Variants in CDK14 observed in about 807,000 individuals in gnomAD.
The protein encoded by CDK14 is cyclin-dependent kinase 14.
A neutral mutation model predicts 60.7 loss-of-function variants in CDK14; 34 were observed. That is an observed-to-expected ratio of 0.56 (90% confidence interval 0.43 to 0.75). The LOEUF (loss-of-function observed/expected upper bound fraction) is 0.75. Among genes scored for constraint, CDK14 ranks in the 30% least tolerant of loss-of-function variants. The probability of loss-of-function intolerance (pLI) is 0.00; values close to 1 mark genes in which losing one functional copy is unlikely to be tolerated. For synonymous variants in CDK14, 197 were observed against 203.7 expected (o/e 0.97, Z 0.28); for missense variants, 482 against 564.1 (o/e 0.85, Z 1.47).
At chr7:90,865,513 T>C (rs1584061435) in intron 6 of CDK14, among the ~76,000 whole-genome samples, 2 of 152,148 alleles carry the variant, frequency 1.3e-5, no homozygotes. Flanking sequence ...AGAAATAAAC[T>C]CTACTCTTCT....
chr7:90,796,533 C>T (rs1023674705), intron 5 of CDK14, among the ~76,000 whole-genome samples: 6 of 151,774 alleles, frequency 4.0e-5, no homozygotes, highest in Non-Finnish European at 2.9e-5. Context: ...GGCTGTTATC[C>T]GATATAATCT....
chr7:90,612,124 C>T (rs1240649977), intron 2 of CDK14, among the ~76,000 whole-genome samples: 1 of 152,098 alleles, frequency 6.6e-6, no homozygotes, highest in African/African-American at 2.4e-5. Flanking sequence ...TGAGCCAGCA[C>T]ACCTGGCTTC....
intron 10 of CDK14, among the ~76,000 whole-genome samples, chr7:90,988,594 C>G (rs1210526834): frequency 1.3e-5 from 2 of 152,098 alleles, no homozygotes; most frequent in Admixed American, 6.6e-5. Flanking sequence ...AATTTGTATT[C>G]TAAACATATT....
intron 14 of CDK14, among the ~76,000 whole-genome samples, chr7:91,206,470 C>T: frequency 6.6e-6 from 1 of 152,186 alleles, no homozygotes; most frequent in East Asian, 1.9e-4. Context: ...GCAAGGCATT[C>T]TTTTCCCATC....
chr7:90,687,419 G>A (rs1008658150), intron 2 of CDK14, among the ~76,000 whole-genome samples: 1 of 152,078 alleles, frequency 6.6e-6, no homozygotes, highest in Non-Finnish European at 1.5e-5. Context: ...AGAACTGTGA[G>A]AAAAAGCTTT....
At chr7:91,045,027 T>C (rs998198358) in intron 10 of CDK14, among the ~76,000 whole-genome samples, 1 of 152,216 alleles carries the variant, frequency 6.6e-6, no homozygotes, top group Admixed American at 6.5e-5. Flanking sequence ...GTGGGGTTAT[T>C]TCTCAGCCCA....
intron 6 of CDK14, among the ~76,000 whole-genome samples, chr7:90,868,453 A>T (rs1347987670): frequency 6.6e-6 from 1 of 152,012 alleles, no homozygotes; most frequent in African/African-American, 2.4e-5. Context: ...ATATACAGTC[A>T]TTTGCATATC....
At chr7:90,710,891 T>C (rs1186368005) in intron 2 of CDK14, among the ~76,000 whole-genome samples, 1 of 152,124 alleles carries the variant, frequency 6.6e-6, no homozygotes, top group Non-Finnish European at 1.5e-5. Context: ...TTGAAGGACA[T>C]GTTTTAATAG....
chr7:90,604,092 G>A, intron 1 of CDK14, 126 bp from the exon 2 acceptor site: 1 of 615,712 alleles, frequency 1.6e-6, no homozygotes, highest in South Asian at 2.0e-5. Context: ...TGTTATTCAG[G>A]TTGGGGTACA....
At chr7:90,838,055 C>T (rs192764655) in intron 5 of CDK14, among the ~76,000 whole-genome samples, 77 of 152,134 alleles carry the variant, frequency 5.1e-4, no homozygotes, top group Middle Eastern at 3.4e-3. Context: ...TGACGGTGGT[C>T]GAGTGTTGCA....
chr7:91,105,635 C>T (rs1799269851), intron 12 of CDK14, among the ~76,000 whole-genome samples: 1 of 148,730 alleles, frequency 6.7e-6, no homozygotes. Context: ...CATAGATTAA[C>T]ATTAGACAAC....
At chr7:90,621,613 T>TTTCCTTCCTTCCTTCCTTCC (rs3835010) in intron 2 of CDK14, among the ~76,000 whole-genome samples, 1 of 128,266 alleles carries the variant, frequency 7.8e-6, no homozygotes, top group Non-Finnish European at 1.6e-5. Flanking sequence ...TCAGACTTTT[T>TTTCCTTCCTTCCTTCCTTCC]TTCCTTCCTT....
At chr7:90,700,731 C>T (rs952354265) in intron 2 of CDK14, among the ~76,000 whole-genome samples, 1 of 152,064 alleles carries the variant, frequency 6.6e-6, no homozygotes, top group Admixed American at 6.6e-5. Flanking sequence ...AATTTGATTA[C>T]CTAAAGTGAA....
At chr7:90,997,206 C>A (rs1294665726) in intron 10 of CDK14, among the ~76,000 whole-genome samples, 1 of 152,124 alleles carries the variant, frequency 6.6e-6, no homozygotes, top group Admixed American at 6.5e-5. Flanking sequence ...TGCTCTTATT[C>A]TCCTAATAGA....
intron 2 of CDK14, among the ~76,000 whole-genome samples, chr7:90,644,229 G>A (rs74776799): frequency 9.5e-4 from 145 of 152,254 alleles, no homozygotes; most frequent in African/African-American, 3.2e-3. Flanking sequence ...AATCAGTTTC[G>A]GTTGTTTAAG....
At chr7:90,638,924 G>A (rs545543635) in intron 2 of CDK14, among the ~76,000 whole-genome samples, 12 of 151,716 alleles carry the variant, frequency 7.9e-5, no homozygotes, top group Non-Finnish European at 1.0e-4. Context: ...TGATCGCATC[G>A]GCTCCTGAGG....
At chr7:90,697,258 A>G (rs537753149) in intron 2 of CDK14, among the ~76,000 whole-genome samples, 3 of 152,342 alleles carry the variant, frequency 2.0e-5, no homozygotes, top group African/African-American at 4.8e-5. Flanking sequence ...AAAAGAAGAC[A>G]TGACTTACCT....
At chr7:91,186,421 T>C (rs966239865) in intron 14 of CDK14, among the ~76,000 whole-genome samples, 1 of 151,134 alleles carries the variant, frequency 6.6e-6, no homozygotes, top group Non-Finnish European at 1.5e-5. Context: ...TTATGAATAA[T>C]GCTGCTATGA....
At chr7:90,853,102 A>G (rs73401816) in intron 5 of CDK14, among the ~76,000 whole-genome samples, 3,226 of 152,178 alleles carry the variant, frequency 0.021, 105 homozygotes, top group African/African-American at 0.073. Context: ...TGCTGATTGT[A>G]TATGTTTATC....
Sources: allele counts gnomAD v4.1 joint callset (sites outside exome capture counted in the v4.1 genomes callset), GRCh38; gene constraint gnomAD v4.1.1; transcripts MANE v1.5; gene names NCBI Gene and HGNC (gene_info 2026-07-23, HGNC 2026-07-21).